Variants in MAGI1 observed in about 807,000 individuals in gnomAD.
MAGI1 encodes the protein membrane associated guanylate kinase, WW and PDZ domain containing 1, also known as membrane-associated guanylate kinase, WW and PDZ domain-containing protein 1.
Under a neutral mutation model 139.9 loss-of-function variants are expected in MAGI1, and 58 were observed. The ratio of observed to expected loss-of-function variants is 0.41; its 90% confidence interval spans 0.34 to 0.52. The LOEUF is 0.52. Among genes scored for constraint, MAGI1 ranks in the 20% least tolerant of loss-of-function variants. MAGI1 has a pLI of 0.12. For missense variants in MAGI1, 1,874 were observed against 1,901.6 expected (o/e 0.99, Z 0.27); for synonymous variants, 812 against 737.9 (o/e 1.10, Z -1.63).
intron 1 of MAGI1, among the ~76,000 whole-genome samples, chr3:65,962,667 T>G (rs1576278429): frequency 6.6e-6 from 1 of 150,638 alleles, no homozygotes; most frequent in East Asian, 2.0e-4. Flanking sequence ...AAACCCAATA[T>G]CTACTAAAAA....
chr3:65,698,235 C>A lies in MAGI1; in HGVS notation c.314-76147G>T, dbSNP rs999751989. ...TCAAGGAAATAAAAGAGGATACAAA[C>A]AAATGGAAGAACATTCCATGCTCAT... On this transcript the variant is annotated intron_variant, in intron 1 of 22. Coordinates refer to ENST00000402939, the MANE Select transcript of MAGI1 (RefSeq NM_001033057.2). Among the ~76,000 whole-genome samples the A allele has an allele frequency of 1.1e-4, 14 of 130,300 alleles. 1 individual carries two copies. In the South Asian group the frequency reaches 2.4e-3, roughly 22 times the overall value. The allele number at this position is 130,300 out of a possible 152,430, so 85.5% of individuals were successfully genotyped here.
At chr3:66,022,798 T>C (rs547190055) in intron 1 of MAGI1, among the ~76,000 whole-genome samples, 2 of 152,300 alleles carry the variant, frequency 1.3e-5, no homozygotes, top group African/African-American at 4.8e-5. Flanking sequence ...CATATGTACC[T>C]AGAGTTCACT....
intron 1 of MAGI1, among the ~76,000 whole-genome samples, chr3:65,818,029 T>G (rs1303600833): frequency 3.4e-5 from 5 of 144,950 alleles, no homozygotes; most frequent in Non-Finnish European, 7.5e-5. Context: ...AGAAAACAAC[T>G]AAGTAAAATT....
At chr3:65,824,950 T>G (rs908699999) in intron 1 of MAGI1, among the ~76,000 whole-genome samples, 2 of 152,308 alleles carry the variant, frequency 1.3e-5, no homozygotes, top group African/African-American at 4.8e-5. Flanking sequence ...AATTATTCCC[T>G]GAAAGAAGCA....
intron 1 of MAGI1, among the ~76,000 whole-genome samples, chr3:65,910,555 C>G (rs966047169): frequency 6.6e-6 from 1 of 152,066 alleles, no homozygotes; most frequent in African/African-American, 2.4e-5. Flanking sequence ...AACACTGATA[C>G]GATGGAGGAC....
At position 65,692,309 on chromosome 3, in the gene MAGI1, C is replaced by T. The variant is rs78102648; in HGVS notation, c.314-70221G>A. ...TGATTCATTCTTGCTTGTCAGCACACATGAATTCATTTAGCAGATATTTGC... is the reference window on the plus strand; with the variant it reads ...TGATTCATTCTTGCTTGTCAGCACATATGAATTCATTTAGCAGATATTTGC... On this transcript the variant is annotated intron_variant, in intron 1 of 22. Transcript: ENST00000402939. Among the ~76,000 whole-genome samples the T allele has an allele frequency of 5.8e-3, 888 of 152,284 alleles. 5 individuals are homozygous for T. Among genetic ancestry groups the T allele is most frequent in the African/African-American group, 0.02 (829 of 41,552 alleles).
intron 1 of MAGI1, among the ~76,000 whole-genome samples, chr3:65,666,576 T>C (rs928484187): frequency 6.6e-6 from 1 of 152,208 alleles, no homozygotes; most frequent in Non-Finnish European, 1.5e-5. Context: ...GAAGGGAAGA[T>C]AGGAATGACA....
chr3:65,886,516 C>T (rs2060537297), intron 1 of MAGI1, among the ~76,000 whole-genome samples: 1 of 152,114 alleles, frequency 6.6e-6, no homozygotes. Context: ...GCTTTTGTTG[C>T]AGCTAGTTAT....
chr3:65,744,418 A>G (rs1408831154), intron 1 of MAGI1, among the ~76,000 whole-genome samples: 1 of 152,222 alleles, frequency 6.6e-6, no homozygotes, highest in East Asian at 1.9e-4. Flanking sequence ...TGCTCAGTAA[A>G]TGTTTGCTGA....
chr3:65,402,644 G>T (rs1316096125), intron 12 of MAGI1, among the ~76,000 whole-genome samples: 1 of 152,062 alleles, frequency 6.6e-6, no homozygotes, highest in Non-Finnish European at 1.5e-5. Context: ...GGAGTGTGAC[G>T]ATCTCAACTC....
intron 13 of MAGI1, among the ~76,000 whole-genome samples, chr3:65,396,611 G>A (rs1944411110): frequency 6.6e-6 from 1 of 152,214 alleles, no homozygotes; most frequent in Admixed American, 6.5e-5. Flanking sequence ...ACAGCACTTA[G>A]GAGCTTAAAT....
intron 1 of MAGI1, among the ~76,000 whole-genome samples, chr3:65,753,075 G>A (rs1277995632): frequency 1.3e-5 from 2 of 151,998 alleles, no homozygotes; most frequent in Admixed American, 6.6e-5. Flanking sequence ...CCTCAACAAT[G>A]TCTAAAAGAG....
intron 1 of MAGI1, among the ~76,000 whole-genome samples, chr3:65,804,385 T>A (rs143638294): frequency 6.6e-6 from 1 of 151,666 alleles, no homozygotes; most frequent in Non-Finnish European, 1.5e-5. Context: ...TAAATTGATA[T>A]AAATTTATTG....
At chr3:65,836,862 C>G (rs1040670831) in intron 1 of MAGI1, among the ~76,000 whole-genome samples, 2 of 152,120 alleles carry the variant, frequency 1.3e-5, no homozygotes, top group African/African-American at 2.4e-5. Context: ...TTTTGTGGAG[C>G]CATCACTTTT....
intron 1 of MAGI1, among the ~76,000 whole-genome samples, chr3:65,693,826 C>G (rs896117239): frequency 6.6e-6 from 1 of 152,052 alleles, no homozygotes; most frequent in Non-Finnish European, 1.5e-5. Flanking sequence ...CGGATTCAAA[C>G]GACTCTCCTG....
intron 1 of MAGI1, among the ~76,000 whole-genome samples, chr3:65,956,689 G>A (rs145647895): frequency 1.8e-4 from 27 of 152,246 alleles, no homozygotes; most frequent in African/African-American, 6.5e-4. Context: ...AGAAGAGCTG[G>A]AACACTGCTT....
At chr3:65,579,828 C>A (rs1158051493) in intron 2 of MAGI1, among the ~76,000 whole-genome samples, 1 of 129,490 alleles carries the variant, frequency 7.7e-6, no homozygotes, top group African/African-American at 2.9e-5. Flanking sequence ...GCCTGGGGAA[C>A]AAGAGCGAAA....
intron 1 of MAGI1, among the ~76,000 whole-genome samples, chr3:65,957,651 T>C (rs2064201601): frequency 1.3e-5 from 2 of 152,128 alleles, no homozygotes; most frequent in Non-Finnish European, 2.9e-5. Context: ...AATCTATCTG[T>C]ACAAAGTTCC....
chr3:65,507,285 G>A (rs939802340), intron 2 of MAGI1, among the ~76,000 whole-genome samples: 3 of 152,176 alleles, frequency 2.0e-5, no homozygotes, highest in African/African-American at 4.8e-5. Context: ...GTTAACACAT[G>A]CTTTTTTCCC....
Sources: allele counts gnomAD v4.1 joint callset (sites outside exome capture counted in the v4.1 genomes callset), GRCh38; gene constraint gnomAD v4.1.1; transcripts MANE v1.5; gene names NCBI Gene and HGNC (gene_info 2026-07-23, HGNC 2026-07-21).